The following AFF2 variants were observed in gnomAD, a reference collection of about 807,000 sequenced individuals.
The protein encoded by AFF2 is AF4/FMR2 family member 2.
AFF2 carries 14 observed loss-of-function variants against 76.9 expected under a neutral mutation model. The ratio of observed to expected loss-of-function variants is 0.18; its 90% CI spans 0.12 to 0.28. The LOEUF is 0.28. AFF2 is among the 10% of genes least tolerant of loss of function. The pLI, the probability that AFF2 is intolerant of heterozygous loss-of-function variation, is 1.00. For synonymous variants in AFF2, 398 were observed against 366.7 expected (o/e 1.09, Z -0.98); for missense variants, 868 against 1,001.1 (o/e 0.87, Z 1.79).
At chrX:148,781,542 ACTCAGTC>A (rs1218533187) in intron 3 of AFF2, among the ~76,000 whole-genome samples, 1 of 111,485 alleles carries the variant, frequency 9.0e-6, no homozygotes, top group Non-Finnish European at 1.9e-5. Flanking sequence ...AAAACTGCCT[ACTCAGTC>A]CTCAGTAATG....
chrX:148,781,084 G>T (rs1422183931), intron 3 of AFF2, among the ~76,000 whole-genome samples: 1 of 112,039 alleles, frequency 8.9e-6, no homozygotes, highest in African/African-American at 3.2e-5. Flanking sequence ...GGAGGCTTCA[G>T]AACAGCAAAG....
intron 2 of AFF2, among the ~76,000 whole-genome samples, chrX:148,657,529 G>A (rs1557257284): frequency 3.6e-5 from 4 of 112,153 alleles, no homozygotes; most frequent in African/African-American, 1.3e-4. Flanking sequence ...TTTGTAGATA[G>A]CATTAGAAAC....
At chrX:148,675,344 C>T (rs782636246) in intron 3 of AFF2, among the ~76,000 whole-genome samples, 5 of 110,781 alleles carry the variant, frequency 4.5e-5, no homozygotes, top group Admixed American at 3.8e-4. Flanking sequence ...TGAAAGTTAG[C>T]GGGGCTGTAA....
intron 9 of AFF2, among the ~76,000 whole-genome samples, chrX:148,948,078 A>G (rs1433669543): frequency 8.9e-6 from 1 of 112,384 alleles, no homozygotes; most frequent in Non-Finnish European, 1.9e-5. Flanking sequence ...AGCTTGTTGG[A>G]GCAGAATGGC....
chrX:148,668,786 T>G (rs2054387260), intron 3 of AFF2, among the ~76,000 whole-genome samples: 1 of 112,396 alleles, frequency 8.9e-6, no homozygotes. Context: ...GAGGGGCTGC[T>G]GTGAAGACCT....
intron 3 of AFF2, among the ~76,000 whole-genome samples, chrX:148,777,989 T>C (rs1186253400): frequency 1.8e-5 from 2 of 112,261 alleles, no homozygotes; most frequent in African/African-American, 6.5e-5. Flanking sequence ...TCTGTGGTTT[T>C]GTCATAAATA....
chrX:148,797,369 T>G (rs1291644313), intron 3 of AFF2, among the ~76,000 whole-genome samples: 1 of 111,628 alleles, frequency 9.0e-6, no homozygotes, highest in Non-Finnish European at 1.9e-5. Context: ...TCAAGTATAT[T>G]AAACAGTATC....
intron 3 of AFF2, among the ~76,000 whole-genome samples, chrX:148,712,075 A>G (rs1557262955): frequency 8.9e-6 from 1 of 111,831 alleles, no homozygotes; most frequent in African/African-American, 3.3e-5. Context: ...CACACAATAA[A>G]CAGACATGAA....
intron 3 of AFF2, among the ~76,000 whole-genome samples, chrX:148,785,807 A>T (rs2069812412): frequency 8.9e-6 from 1 of 112,129 alleles, no homozygotes; most frequent in Non-Finnish European, 1.9e-5. Context: ...AGCCACACTT[A>T]AGACAAATCA....
In AFF2 at chrX:148,977,984, C is replaced by T. The variant is rs187306270; in HGVS notation, c.3456C>T (p.Asp1152=). The change falls in exon 17 of 21, where the codon GAC becomes GAT. Residue 1152 remains aspartate, a synonymous_variant. Coordinates refer to ENST00000370460, the MANE Select transcript of AFF2 (RefSeq NM_002025.4). ...NFASPLASDG[D]KKLAVLCYRC... Reference sequence around the variant, plus strand: ...CAAGTCCCTTGGCTTCGGATGGGGACAAAAAGCTAGCAGTACTATGGTGAG... The same window carrying T: ...CAAGTCCCTTGGCTTCGGATGGGGATAAAAAGCTAGCAGTACTATGGTGAG... 287 of 1,201,639 alleles carry T rather than the reference C, an allele frequency of 2.4e-4. No individual in the cohort carries two copies. The highest frequency in any genetic ancestry group is 3.1e-4 in the Non-Finnish European group (278 of 887,622).
intron 7 of AFF2, among the ~76,000 whole-genome samples, chrX:148,851,752 T>C (rs1181915209): frequency 1.8e-5 from 2 of 111,678 alleles, no homozygotes; most frequent in Non-Finnish European, 3.8e-5. Flanking sequence ...TTTTCTTTTT[T>C]TTTAACTTTT....
At chrX:148,513,964 A>G (rs782761587) in intron 1 of AFF2, among the ~76,000 whole-genome samples, 11 of 111,576 alleles carry the variant, frequency 9.9e-5, no homozygotes, top group Non-Finnish European at 1.9e-4. Flanking sequence ...CCACCCAGCT[A>G]CAGTGGCAGA....
intron 3 of AFF2, 27 bp downstream of exon 3, chrX:148,662,795 G>T: frequency 8.4e-7 from 1 of 1,187,949 alleles, no homozygotes; most frequent in Non-Finnish European, 1.1e-6. Context: ...GTTTTGTTTG[G>T]TTTCACTTTT....
At chrX:148,591,996 C>T (rs969558124) in intron 1 of AFF2, among the ~76,000 whole-genome samples, 11 of 111,986 alleles carry the variant, frequency 9.8e-5, no homozygotes, top group African/African-American at 3.6e-4. Context: ...TGTGTCATGG[C>T]TGATGGAGCC....
At chrX:148,715,118 T>C (rs2055012261) in intron 3 of AFF2, among the ~76,000 whole-genome samples, 1 of 111,304 alleles carries the variant, frequency 9.0e-6, no homozygotes, top group Non-Finnish European at 1.9e-5. Flanking sequence ...ACAGCAGACC[T>C]TGAACACCAG....
intron 3 of AFF2, among the ~76,000 whole-genome samples, chrX:148,738,259 T>C (rs1313790457): frequency 3.6e-5 from 4 of 111,384 alleles, no homozygotes; most frequent in African/African-American, 6.5e-5. Context: ...GACTTTTTTT[T>C]TGTCGGTAAT....
At chrX:148,503,831 A>G (rs1316341485) in intron 1 of AFF2, among the ~76,000 whole-genome samples, 1 of 111,769 alleles carries the variant, frequency 8.9e-6, no homozygotes, top group Non-Finnish European at 1.9e-5. Context: ...TGGATTTCAC[A>G]AACTGCAAGA....
chrX:148,696,310 G>A (rs1332358972), intron 3 of AFF2, among the ~76,000 whole-genome samples: 4 of 108,893 alleles, frequency 3.7e-5, no homozygotes, highest in Non-Finnish European at 7.6e-5. Context: ...GGGGTGGGGG[G>A]AGAGGGGAGG....
In AFF2 at chrX:148,994,468, G is replaced by A. The variant is rs2072570706; in HGVS notation, c.*3136G>A. ...TAATAATCTCATTGGGAAAATACTA[G>A]TAGTTTTATATTTGGATGACATAAT... On this transcript the variant is annotated 3_prime_UTR_variant, in exon 21 of 21. Coordinates refer to ENST00000370460, the MANE Select transcript of AFF2 (RefSeq NM_002025.4). 8.9e-6 allele frequency: 1 copy of A among 112,068 alleles called. No homozygotes were observed. The highest frequency in any genetic ancestry group is 1.9e-5 in the Non-Finnish European group (1 of 53,244). 9.2% of individuals were successfully genotyped at this position (112,068 alleles called of 1,213,427 possible).
Sources: allele counts gnomAD v4.1 joint callset (sites outside exome capture counted in the v4.1 genomes callset), GRCh38; gene constraint gnomAD v4.1.1; transcripts MANE v1.5; gene names NCBI Gene and HGNC (gene_info 2026-07-23, HGNC 2026-07-21).